ZBTB20: variants seen among roughly 807,000 people sequenced by gnomAD.
ZBTB20 encodes the protein zinc finger and BTB domain-containing protein 20.
ZBTB20 carries 9 observed loss-of-function variants against 56.9 expected under a neutral mutation model. That is an observed-to-expected ratio of 0.16 (90% CI 0.10 to 0.28). The LOEUF is 0.28. Ranked by LOEUF, ZBTB20 falls within the 10% of genes least tolerant of loss-of-function variation. ZBTB20 has a pLI of 1.00. For synonymous variants in ZBTB20, 417 were observed against 420.7 expected (o/e 0.99, Z 0.11); for missense variants, 655 against 1,003.0 (o/e 0.65, Z 4.69).
At chr3:114,918,067 G>A (rs796449522) in intron 3 of ZBTB20, among the ~76,000 whole-genome samples, 7 of 147,850 alleles carry the variant, frequency 4.7e-5, no homozygotes, top group Admixed American at 4.1e-4. Context: ...CCATTCTACT[G>A]CAGCTGAGCT....
At chr3:114,974,646 G>C (rs537751730) in intron 2 of ZBTB20, among the ~76,000 whole-genome samples, 1 of 152,114 alleles carries the variant, frequency 6.6e-6, no homozygotes, top group African/African-American at 2.4e-5. Context: ...GGCATAGCAC[G>C]GTGTTTGCTA....
intron 4 of ZBTB20, among the ~76,000 whole-genome samples, chr3:114,842,608 AC>A: frequency 6.6e-6 from 1 of 152,306 alleles, no homozygotes; most frequent in Admixed American, 6.5e-5. Context: ...GGCATACCTA[AC>A]CTACACTGAA....
chr3:114,843,441 G>A (rs2074483851), intron 4 of ZBTB20, among the ~76,000 whole-genome samples: 1 of 152,230 alleles, frequency 6.6e-6, no homozygotes, highest in East Asian at 1.9e-4. Flanking sequence ...ACGCAAATCT[G>A]CCCAAGATTT....
At chr3:114,875,351 T>C (rs1306713986) in intron 4 of ZBTB20, among the ~76,000 whole-genome samples, 1 of 152,180 alleles carries the variant, frequency 6.6e-6, no homozygotes, top group South Asian at 2.1e-4. Context: ...CACCTTCACA[T>C]TGAAATCTTT....
chr3:114,434,558 T>TGTG (rs1576744101), intron 7 of ZBTB20, among the ~76,000 whole-genome samples: 15 of 146,050 alleles, frequency 1.0e-4, no homozygotes, highest in Admixed American at 5.5e-4. Flanking sequence ...GTGTGTGTGT[T>TGTG]TGTGTGTGTG....
At chr3:114,645,531 G>A (rs1307054333) in intron 6 of ZBTB20, among the ~76,000 whole-genome samples, 1 of 152,058 alleles carries the variant, frequency 6.6e-6, no homozygotes, top group Non-Finnish European at 1.5e-5. Flanking sequence ...GTTTCAGCCA[G>A]CTGTTTCCTT....
intron 2 of ZBTB20, among the ~76,000 whole-genome samples, chr3:114,999,620 C>T (rs529033477): frequency 3.3e-5 from 5 of 151,670 alleles, no homozygotes; most frequent in African/African-American, 1.2e-4. Flanking sequence ...GGCCCAAGAA[C>T]TGTGGTAACT....
At chr3:114,665,186 T>A (rs189565460) in intron 6 of ZBTB20, among the ~76,000 whole-genome samples, 1 of 152,104 alleles carries the variant, frequency 6.6e-6, no homozygotes, top group Admixed American at 6.6e-5. Flanking sequence ...ATTATAATAC[T>A]GTATTTTTGC....
intron 1 of ZBTB20, among the ~76,000 whole-genome samples, chr3:115,117,566 A>C (rs1194014718): frequency 6.6e-6 from 1 of 152,152 alleles, no homozygotes; most frequent in East Asian, 1.9e-4. Context: ...CATCTGCTTC[A>C]AAATTAGGAA....
intron 5 of ZBTB20, among the ~76,000 whole-genome samples, chr3:114,725,248 A>C (rs2065188302): frequency 6.6e-6 from 1 of 152,222 alleles, no homozygotes; most frequent in South Asian, 2.1e-4. Flanking sequence ...AGAGTTAAAA[A>C]ATCTATTTCT....
chr3:114,489,543 G>A (rs928809963), intron 7 of ZBTB20, among the ~76,000 whole-genome samples: 1 of 151,910 alleles, frequency 6.6e-6, no homozygotes, highest in African/African-American at 2.4e-5. Flanking sequence ...ATTAAAATGG[G>A]ATACAACTGT....
intron 5 of ZBTB20, among the ~76,000 whole-genome samples, chr3:114,765,440 C>T (rs1204712424): frequency 6.6e-6 from 1 of 152,048 alleles, no homozygotes; most frequent in African/African-American, 2.4e-5. Flanking sequence ...CAGGGAGATG[C>T]CTTACAGGTC....
intron 6 of ZBTB20, among the ~76,000 whole-genome samples, chr3:114,589,099 C>T (rs1011675915): frequency 3.3e-5 from 5 of 152,068 alleles, no homozygotes; most frequent in Non-Finnish European, 5.9e-5. Flanking sequence ...GTCCCTCCCA[C>T]GACACATGAA....
chr3:114,769,552 CATATATATAT>C (rs6148023), intron 5 of ZBTB20, among the ~76,000 whole-genome samples: 1,992 of 116,594 alleles, frequency 0.017, 35 homozygotes, highest in Non-Finnish European at 0.019. Context: ...TGCCAAAATG[CATATATATAT>C]ATATATATAT....
chr3:115,094,665 A>G (rs1033835724), intron 1 of ZBTB20, among the ~76,000 whole-genome samples: 1 of 151,972 alleles, frequency 6.6e-6, no homozygotes, highest in East Asian at 1.9e-4. Context: ...TGCAACAACA[A>G]ATCACAATTT....
intron 5 of ZBTB20, among the ~76,000 whole-genome samples, chr3:114,779,372 C>T (rs1381637771): frequency 6.6e-6 from 1 of 152,088 alleles, no homozygotes; most frequent in Non-Finnish European, 1.5e-5. Flanking sequence ...TTTCTGAGTT[C>T]CTAGAGGGTT....
intron 3 of ZBTB20, among the ~76,000 whole-genome samples, chr3:114,914,065 T>C (rs1023058122): frequency 6.6e-6 from 1 of 152,084 alleles, no homozygotes; most frequent in Non-Finnish European, 1.5e-5. Flanking sequence ...TGTGGGTCTT[T>C]TGTGGTTTCC....
chr3:114,724,337 T>C (rs1277341749), intron 5 of ZBTB20, among the ~76,000 whole-genome samples: 3 of 152,196 alleles, frequency 2.0e-5, no homozygotes, highest in African/African-American at 7.2e-5. Context: ...ACCAACCATA[T>C]AATTTAAGAT....
chr3:114,327,261 A>T lies in ZBTB20; in HGVS notation c.*11744T>A, dbSNP rs1231874790. 2 of 152,102 alleles carry T rather than the reference A, an allele frequency of 1.3e-5. No individual in the cohort carries two copies. The highest frequency in any genetic ancestry group is 4.8e-5 in the African/African-American group (2 of 41,400). The allele number at this position is 152,102 out of a possible 1,614,324, so 9.4% of individuals were successfully genotyped here. ...CTTGGGGTTGGAATACTTCTTGGGG[A>T]ACTAGAAAGAACAGCATCAAGAAGG... On this transcript the variant is annotated 3_prime_UTR_variant, in exon 12 of 12. Coordinates refer to ENST00000675478, the MANE Select transcript of ZBTB20 (RefSeq NM_001348800.3).
Sources: allele counts gnomAD v4.1 joint callset (sites outside exome capture counted in the v4.1 genomes callset), GRCh38; gene constraint gnomAD v4.1.1; transcripts MANE v1.5; gene names NCBI Gene and HGNC (gene_info 2026-07-23, HGNC 2026-07-21).